Variants in DYTN observed in about 807,000 individuals in gnomAD.
DYTN encodes dystrotelin.
In DYTN, 75 loss-of-function variants were observed where a neutral mutation model predicts 69.6. The observed-to-expected ratio is 1.08, with a 90% CI of 0.89 to 1.31. The LOEUF is 1.31. DYTN is among the 50% of genes most tolerant of loss of function. The probability of loss-of-function intolerance (pLI) is 0.00; values close to 1 mark genes in which losing one functional copy is unlikely to be tolerated. For missense variants in DYTN, 726 were observed against 688.4 expected (o/e 1.05, Z -0.61); for synonymous variants, 252 against 249.1 (o/e 1.01, Z -0.11).
At chr2:206,682,505 C>T (rs1389723287) in intron 9 of DYTN, among the ~76,000 whole-genome samples, 1 of 152,010 alleles carries the variant, frequency 6.6e-6, no homozygotes, top group Non-Finnish European at 1.5e-5. Flanking sequence ...TCTCAGTCTC[C>T]CTTTCTGGTT....
At chr2:206,666,153 CTG>C in intron 9 of DYTN, 124 bp from the exon 10 acceptor site, 4 of 1,339,134 alleles carry the variant, frequency 3.0e-6, no homozygotes, top group South Asian at 3.0e-5. Flanking sequence ...TGTGTCTCAA[CTG>C]TGTTTTTTGT....
At chr2:206,691,548 C>T (rs1294101790) in intron 9 of DYTN, among the ~76,000 whole-genome samples, 1 of 151,988 alleles carries the variant, frequency 6.6e-6, no homozygotes, top group African/African-American at 2.4e-5. Context: ...GTAAAAATAG[C>T]TGGCTTTAAG....
intron 9 of DYTN, among the ~76,000 whole-genome samples, chr2:206,682,216 A>G (rs6747340): frequency 0.087 from 13,180 of 151,976 alleles, 1,912 homozygotes; most frequent in African/African-American, 0.3. Flanking sequence ...TGTAGGGTCA[A>G]TAGTGTATTC....
intron 11 of DYTN, among the ~76,000 whole-genome samples, chr2:206,662,082 T>C (rs183915762): frequency 7.3e-4 from 111 of 152,346 alleles, no homozygotes; most frequent in Non-Finnish European, 1.4e-3. Context: ...AAATGATCAG[T>C]AGTCTACTCC....
At chr2:206,709,971 T>C (rs1700064539) in intron 2 of DYTN, among the ~76,000 whole-genome samples, 1 of 152,146 alleles carries the variant, frequency 6.6e-6, no homozygotes, top group African/African-American at 2.4e-5. Context: ...AACCATACAT[T>C]CAATCAGATA....
At chr2:206,714,340 T>A (rs529017646) in intron 1 of DYTN, among the ~76,000 whole-genome samples, 1 of 152,192 alleles carries the variant, frequency 6.6e-6, no homozygotes, top group South Asian at 2.1e-4. Flanking sequence ...GTAGCTGGGA[T>A]TACAGGCGCA....
At chr2:206,706,772 C>A (rs1410071710) in intron 3 of DYTN, among the ~76,000 whole-genome samples, 1 of 151,976 alleles carries the variant, frequency 6.6e-6, no homozygotes, top group East Asian at 1.9e-4. Flanking sequence ...GCTCAAAAAA[C>A]ACACGCACCC....
Position 206,707,417 on chromosome 2 carries a change from G to T in DYTN, c.181C>A (p.Gln61Lys), listed in dbSNP as rs754214745. 18 of 1,613,212 alleles carry T rather than the reference G, an allele frequency of 1.1e-5. No individual in the cohort carries two copies. The South Asian group carries it at 1.5e-4, about 14-fold the overall frequency. The stretch of plus-strand genomic sequence containing the variant: ...AGCTCTTGGAGTGCCTGAGAAAGTT[G>T]CTGCACAGAAAGGGAGTGCTTGCGA... Reference protein sequence around the residue: ...EARKHSLSVQQLSQALQELFQ... With the variant: ...EARKHSLSVQKLSQALQELFQ... Residue 61 changes from glutamine to lysine, a missense_variant, in exon 3 of 12, where the codon CAA (glutamine) becomes AAA (lysine). Transcript: ENST00000452335.
rs757695759 is a variant in DYTN, at chr2:206,705,870, T to C, written c.300A>G (p.Lys100=). The C allele has an allele frequency of 6.2e-7, 1 of 1,613,574 alleles. No homozygotes were observed. Among genetic ancestry groups the C allele is most frequent in the African/African-American group, 1.3e-5 (1 of 74,930 alleles). ...LSLLTTMYNS[K]GTGFLQLMPA... ...GCATAAGCTGGAGAAAACCTGTTCC[T>C]TTGCTGCACAGTAACAAAATACAGA... is the stretch of plus-strand genomic sequence containing the variant. The change falls in exon 4 of 12, where the codon AAA becomes AAG. Residue 100 remains lysine, a synonymous_variant. Coordinates refer to ENST00000452335, the MANE Select transcript of DYTN (RefSeq NM_001093730.1).
chr2:206,652,710 G>A (rs1184642362), intron 11 of DYTN, among the ~76,000 whole-genome samples: 1 of 152,116 alleles, frequency 6.6e-6, no homozygotes, highest in Non-Finnish European at 1.5e-5. Context: ...TATTGAACAA[G>A]TGAAGAAAGC....
At chr2:206,658,968 C>A (rs146748245) in intron 11 of DYTN, among the ~76,000 whole-genome samples, 1 of 138,194 alleles carries the variant, frequency 7.2e-6, no homozygotes, top group East Asian at 2.1e-4. Flanking sequence ...TTGAATAATA[C>A]AGTAAAACAA....
intron 10 of DYTN, among the ~76,000 whole-genome samples, chr2:206,664,406 C>T (rs1699545335): frequency 6.6e-6 from 1 of 152,164 alleles, no homozygotes; most frequent in South Asian, 2.1e-4. Flanking sequence ...TCTGTAATCC[C>T]AGCACTTCGG....
chr2:206,651,956 A>G (rs1349783016), intron 11 of DYTN, 35 bp from the exon 12 acceptor site: 1 of 1,569,752 alleles, frequency 6.4e-7, no homozygotes, highest in Non-Finnish European at 8.7e-7. Context: ...ATTTAGAGAA[A>G]CATACCGGTA....
intron 9 of DYTN, among the ~76,000 whole-genome samples, chr2:206,682,928 A>G (rs573385336): frequency 1.3e-5 from 2 of 152,320 alleles, no homozygotes; most frequent in East Asian, 1.9e-4. Flanking sequence ...GGATGAGAAT[A>G]TAAGTTCTAT....
At chr2:206,716,860 C>A (rs938685079) in intron 1 of DYTN, among the ~76,000 whole-genome samples, 1 of 152,070 alleles carries the variant, frequency 6.6e-6, no homozygotes. Context: ...TGTAGCTGCT[C>A]TACCATCTGG....
intron 2 of DYTN, 46 bp from the exon 3 acceptor site, chr2:206,707,549 CA>C: frequency 6.5e-7 from 1 of 1,530,872 alleles, no homozygotes; most frequent in Non-Finnish European, 8.9e-7. Context: ...CTGATGGGAA[CA>C]AAAGGCTTCA....
intron 9 of DYTN, among the ~76,000 whole-genome samples, chr2:206,674,476 G>T (rs982114659): frequency 2.0e-5 from 3 of 151,936 alleles, no homozygotes; most frequent in Non-Finnish European, 4.4e-5. Flanking sequence ...AGTGCCCAGG[G>T]CTTTACTGTT....
intron 9 of DYTN, among the ~76,000 whole-genome samples, chr2:206,683,582 G>C (rs1485143015): frequency 6.6e-6 from 1 of 151,904 alleles, no homozygotes; most frequent in African/African-American, 2.4e-5. Flanking sequence ...GGCCCCATGT[G>C]ATTTGCCCAC....
chr2:206,665,283 A>T (rs1172658906), intron 10 of DYTN, among the ~76,000 whole-genome samples: 1 of 152,196 alleles, frequency 6.6e-6, no homozygotes, highest in Non-Finnish European at 1.5e-5. Flanking sequence ...CATATTGTTT[A>T]AAAATGTTAT....
Sources: allele counts gnomAD v4.1 joint callset (sites outside exome capture counted in the v4.1 genomes callset), GRCh38; gene constraint gnomAD v4.1.1; transcripts MANE v1.5; gene names NCBI Gene and HGNC (gene_info 2026-07-23, HGNC 2026-07-21).